FUT8: variants seen among roughly 807,000 people sequenced by gnomAD.
FUT8 encodes alpha-(1,6)-fucosyltransferase.
A neutral mutation model predicts 71.3 loss-of-function variants in FUT8; 29 were observed. The ratio of observed to expected loss-of-function variants is 0.41; its 90% CI spans 0.30 to 0.55. FUT8 has a LOEUF of 0.55. Ranked by LOEUF, FUT8 falls within the 20% of genes least tolerant of loss-of-function variation. The pLI is 0.34. For synonymous variants in FUT8, 254 were observed against 239.3 expected (o/e 1.06, Z -0.57); for missense variants, 544 against 702.1 (o/e 0.77, Z 2.55).
chr14:65,724,010 C>A, intron 8 of FUT8, 137 bp from the exon 9 acceptor site: 1 of 548,126 alleles, frequency 1.8e-6, no homozygotes, highest in Non-Finnish European at 3.0e-6. Flanking sequence ...ATGTGTTTTA[C>A]TTTTTCTAAT....
At chr14:65,363,372 C>T in the FUT8 span, among the ~76,000 whole-genome samples, 9 of 151,854 alleles carry the variant, frequency 5.9e-5, no homozygotes, top group Non-Finnish European at 8.8e-5. Flanking sequence ...CCACTGGCCT[C>T]GGCCTCTCAA....
upstream of FUT8, chr14:65,411,632 A>C: frequency 5.6e-6 from 1 of 177,626 alleles, no homozygotes; most frequent in Non-Finnish European, 1.2e-5. Flanking sequence ...CTTTGGGATA[A>C]GTATCCCCGG....
At chr14:65,632,012 G>A (rs965785717) in intron 6 of FUT8, among the ~76,000 whole-genome samples, 5 of 152,102 alleles carry the variant, frequency 3.3e-5, no homozygotes, top group South Asian at 2.1e-4. Context: ...CATGGAAGTC[G>A]CTGCAAATGT....
Position 65,706,904 on chromosome 14 carries a change from C to T in FUT8, c.836-14871C>T, listed in dbSNP as rs560924835. Among the ~76,000 whole-genome samples, 121 of 152,036 alleles carry T rather than the reference C, an allele frequency of 8.0e-4. 1 individual carries two copies. Among genetic ancestry groups the T allele is most frequent in the Non-Finnish European group, 1.3e-3 (86 of 67,962 alleles). ...AATAACCATATTAATTCATGTTGAA[C>T]GGGGCTAGTTTGTACTGATTCTTTA... On this transcript the variant is annotated intron_variant, in intron 7 of 10. Transcript: ENST00000673929.
intron 10 of FUT8, among the ~76,000 whole-genome samples, chr14:65,736,419 T>G (rs1037884533): frequency 1.4e-4 from 21 of 151,476 alleles, no homozygotes; most frequent in African/African-American, 4.4e-4. Flanking sequence ...AGGCCTCCAT[T>G]AGCTCTGCTT....
intron 2 of FUT8, among the ~76,000 whole-genome samples, chr14:65,551,455 A>G (rs1276780189): frequency 1.3e-5 from 2 of 152,180 alleles, no homozygotes; most frequent in Non-Finnish European, 2.9e-5. Context: ...AGTCTCAGAA[A>G]TCTTTTGTAC....
intron 3 of FUT8, among the ~76,000 whole-genome samples, chr14:65,615,694 G>T (rs1889242837): frequency 6.6e-6 from 1 of 152,132 alleles, no homozygotes; most frequent in Non-Finnish European, 1.5e-5. Context: ...GTACTCTGGG[G>T]ATGAAAGATT....
intron 2 of FUT8, among the ~76,000 whole-genome samples, chr14:65,559,208 T>G (rs1885768013): frequency 6.6e-6 from 1 of 152,162 alleles, no homozygotes; most frequent in African/African-American, 2.4e-5. Flanking sequence ...TTATCTCAGT[T>G]GTCTGTTTTC....
chr14:65,455,762 G>A, intron 2 of FUT8, 44 bp downstream of exon 2: 1 of 397,422 alleles, frequency 2.5e-6, no homozygotes, highest in Non-Finnish European at 4.4e-6. Context: ...CTAATTATAT[G>A]TTAATATTTT....
At chr14:65,559,802 G>A (rs902799882) in intron 2 of FUT8, among the ~76,000 whole-genome samples, 5 of 152,058 alleles carry the variant, frequency 3.3e-5, no homozygotes, top group Non-Finnish European at 7.4e-5. Flanking sequence ...GAGGAGTGGG[G>A]ATTGAGAAAG....
At chr14:65,731,209 A>T (rs1373861037) in intron 9 of FUT8, among the ~76,000 whole-genome samples, 1 of 152,226 alleles carries the variant, frequency 6.6e-6, no homozygotes, top group Non-Finnish European at 1.5e-5. Context: ...ATATACATGT[A>T]ACACATATTA....
intron 1 of FUT8, among the ~76,000 whole-genome samples, chr14:65,427,652 TTATA>T (rs2065410068): frequency 6.6e-6 from 1 of 152,214 alleles, no homozygotes; most frequent in Non-Finnish European, 1.5e-5. Flanking sequence ...GTTGAGTTCC[TTATA>T]TACCGAATTC....
chr14:65,554,121 G>A (rs546579183), intron 2 of FUT8, among the ~76,000 whole-genome samples: 45 of 151,478 alleles, frequency 3.0e-4, no homozygotes, highest in Non-Finnish European at 6.0e-4. Flanking sequence ...TTCTCTTTGC[G>A]TTTCATTTTG....
At chr14:65,724,381 T>G (rs1594939835) in intron 9 of FUT8, 58 bp downstream of exon 9, 2 of 1,072,180 alleles carry the variant, frequency 1.9e-6, no homozygotes, top group African/African-American at 1.6e-5. Flanking sequence ...TTTAAAAGAA[T>G]TCTTACTTCC....
chr14:65,563,085 G>A (rs1302170301), intron 3 of FUT8, among the ~76,000 whole-genome samples: 1 of 151,986 alleles, frequency 6.6e-6, no homozygotes, highest in Non-Finnish European at 1.5e-5. Flanking sequence ...CTTGTCATTT[G>A]TACCATTCAA....
At chr14:65,650,399 T>C (rs1440598797) in intron 6 of FUT8, among the ~76,000 whole-genome samples, 2 of 144,206 alleles carry the variant, frequency 1.4e-5, no homozygotes, top group African/African-American at 5.2e-5. Flanking sequence ...GCAGGAAGCA[T>C]AGTGGCTTCT....
At chr14:65,572,323 T>A (rs562056397) in intron 3 of FUT8, among the ~76,000 whole-genome samples, 1 of 152,306 alleles carries the variant, frequency 6.6e-6, no homozygotes, top group South Asian at 2.1e-4. Context: ...TCAGGTCACA[T>A]TCTAAGCTTT....
chr14:65,743,787 T>A lies in FUT8; in HGVS notation c.*1377T>A, dbSNP rs1896612829. ...TTGATGCTTTGTCTCTGAGCATCATTTTTCTCCTCATAAAAACACTTCCTT... is the reference window on the plus strand; with the variant it reads ...TTGATGCTTTGTCTCTGAGCATCATATTTCTCCTCATAAAAACACTTCCTT... On this transcript the variant is annotated 3_prime_UTR_variant, in exon 11 of 11. Coordinates refer to ENST00000673929, the MANE Select transcript of FUT8 (RefSeq NM_001371533.1). 3 of 151,844 alleles carry A rather than the reference T, an allele frequency of 2.0e-5. No homozygotes were observed. Among genetic ancestry groups the A allele is most frequent in the Non-Finnish European group, 1.5e-5 (1 of 67,888 alleles). The allele number at this position is 151,844 out of a possible 1,614,324, so 9.4% of individuals were successfully genotyped here. A position where few individuals can be genotyped will look rare whatever the true frequency, so the allele number is the denominator to read the frequency against.
intron 1 of FUT8, among the ~76,000 whole-genome samples, chr14:65,448,887 TA>T (rs765270586): frequency 3.0e-4 from 46 of 152,226 alleles, no homozygotes; most frequent in Non-Finnish European, 6.0e-4. Flanking sequence ...ATTTTCAGAT[TA>T]TTTTTTATTT....
Sources: allele counts gnomAD v4.1 joint callset (sites outside exome capture counted in the v4.1 genomes callset), GRCh38; gene constraint gnomAD v4.1.1; transcripts MANE v1.5; gene names NCBI Gene and HGNC (gene_info 2026-07-23, HGNC 2026-07-21).